Variants in MALRD1 observed in about 807,000 individuals in gnomAD.
MALRD1 encodes MAM and LDL-receptor class A domain-containing protein 1.
MALRD1 carries 247 observed loss-of-function variants against 242.1 expected under a neutral mutation model. The observed-to-expected ratio is 1.02, with a 90% CI of 0.92 to 1.13. The LOEUF (loss-of-function observed/expected upper bound fraction) is 1.13. Among genes scored for constraint, MALRD1 ranks in the 50% most tolerant of loss-of-function variants. The pLI is 0.00. For synonymous variants in MALRD1, 995 were observed against 866.6 expected, an observed-to-expected ratio of 1.15 and a Z score of -2.60; for missense variants, 2,989 against 2,533.1, an observed-to-expected ratio of 1.18 and a Z score of -3.86.
At chr10:19,294,512 A>T (rs1190207561) in intron 21 of MALRD1, among the ~76,000 whole-genome samples, 1 of 152,210 alleles carries the variant, frequency 6.6e-6, no homozygotes, top group Non-Finnish European at 1.5e-5. Context: ...TATCCTTAAC[A>T]TTAGTCATAT....
intron 33 of MALRD1, among the ~76,000 whole-genome samples, chr10:19,587,395 T>C (rs1051280538): frequency 2.0e-5 from 3 of 152,244 alleles, no homozygotes; most frequent in Admixed American, 2.0e-4. Flanking sequence ...CAACATAATT[T>C]CTGCACTTTA....
At chr10:19,555,769 A>G (rs887197377) in intron 32 of MALRD1, among the ~76,000 whole-genome samples, 11 of 152,280 alleles carry the variant, frequency 7.2e-5, no homozygotes, top group African/African-American at 2.6e-4. Context: ...TACTTTGATC[A>G]TTCTTGCCTC....
At chr10:19,721,982 G>C (rs890544713) in intron 38 of MALRD1, 1 of 152,236 alleles carries the variant, frequency 6.6e-6, no homozygotes, top group African/African-American at 2.4e-5. Flanking sequence ...TTTCCTCTGT[G>C]GGGTTTGAGG....
intron 38 of MALRD1, chr10:19,721,730 T>C (rs1219757784): frequency 2.0e-5 from 3 of 152,234 alleles, no homozygotes; most frequent in African/African-American, 7.2e-5. Flanking sequence ...TCCAGCCATA[T>C]AGCTTTTTCA....
intron 18 of MALRD1, among the ~76,000 whole-genome samples, chr10:19,225,987 A>G (rs903235382): frequency 5.3e-5 from 8 of 152,186 alleles, no homozygotes; most frequent in African/African-American, 1.9e-4. Context: ...TCAGATTATT[A>G]CTGATGACAG....
chr10:19,278,949 C>T (rs2131874307), intron 19 of MALRD1, among the ~76,000 whole-genome samples: 1 of 152,282 alleles, frequency 6.6e-6, no homozygotes. Context: ...TATTTACACT[C>T]ACCAGACTAT....
At chr10:19,310,135 T>G (rs1842368123) in intron 21 of MALRD1, among the ~76,000 whole-genome samples, 1 of 151,448 alleles carries the variant, frequency 6.6e-6, no homozygotes, top group Non-Finnish European at 1.5e-5. Context: ...GAACCTTTAC[T>G]GAGTAAAGGT....
chr10:19,594,759 C>T (rs1029565751), intron 33 of MALRD1, among the ~76,000 whole-genome samples: 1 of 152,040 alleles, frequency 6.6e-6, no homozygotes, highest in African/African-American at 2.4e-5. Flanking sequence ...TGTATATTCT[C>T]ATGTATAAAT....
chr10:19,595,085 AT>A, intron 33 of MALRD1, 108 bp from the exon 34 acceptor site: 1 of 1,113,364 alleles, frequency 9.0e-7, no homozygotes, highest in Non-Finnish European at 1.2e-6. Flanking sequence ...ATTTACTTCA[AT>A]TAATAAAATT....
chr10:19,524,618 C>G (rs1823766960), intron 31 of MALRD1, among the ~76,000 whole-genome samples: 1 of 152,058 alleles, frequency 6.6e-6, no homozygotes, highest in Non-Finnish European at 1.5e-5. Context: ...CAGAGGCAGA[C>G]TGAATAAATC....
At chr10:19,231,522 T>C (rs1290177164) in intron 18 of MALRD1, among the ~76,000 whole-genome samples, 1 of 152,126 alleles carries the variant, frequency 6.6e-6, no homozygotes, top group Non-Finnish European at 1.5e-5. Context: ...CAGGTGGAGA[T>C]AATTGAATCA....
chr10:19,219,654 G>A lies in MALRD1; in HGVS notation c.2991+9974G>A, dbSNP rs762280395. On this transcript the variant is annotated intron_variant, in intron 18 of 39. Transcript: ENST00000454679. ...GCCCAAGCTGGTCTCAAATTCTTGA[G>A]CTCAAGAGATCTTCTCACCTTGGCC... Among the ~76,000 whole-genome samples the A allele has an allele frequency of 3.3e-5, 5 of 152,116 alleles. No homozygotes were observed. The East Asian group carries it at 7.7e-4, about 23-fold the overall frequency.
At chr10:19,384,469 T>C (rs1292280491) in intron 26 of MALRD1, among the ~76,000 whole-genome samples, 2 of 117,204 alleles carry the variant, frequency 1.7e-5, no homozygotes, top group Admixed American at 1.1e-4. Flanking sequence ...TAATATATAC[T>C]ATATATTATA....
chr10:19,549,383 G>A (rs532619919), intron 32 of MALRD1, among the ~76,000 whole-genome samples: 1 of 152,254 alleles, frequency 6.6e-6, no homozygotes. Flanking sequence ...GAAATCTTTT[G>A]AGCAAGAAAG....
intron 31 of MALRD1, among the ~76,000 whole-genome samples, chr10:19,511,766 A>G (rs1311480676): frequency 6.6e-6 from 1 of 152,204 alleles, no homozygotes; most frequent in Non-Finnish European, 1.5e-5. Context: ...ACATTCAGTT[A>G]GGTTTTCTGC....
chr10:19,134,090 T>G (rs2131406510), intron 9 of MALRD1, 142 bp downstream of exon 9: 1 of 392,738 alleles, frequency 2.5e-6, no homozygotes, highest in East Asian at 3.8e-5. Flanking sequence ...AGTGATTGCT[T>G]ACTTTTTAAA....
At chr10:19,730,587 A>C (rs1015302153) in intron 38 of MALRD1, 119 bp from the exon 39 acceptor site, 2 of 1,055,056 alleles carry the variant, frequency 1.9e-6, no homozygotes, top group African/African-American at 3.2e-5. Context: ...ACATTCATGA[A>C]AATAAGTGTG....
At chr10:19,470,142 C>T (rs1463698605) in intron 29 of MALRD1, among the ~76,000 whole-genome samples, 1 of 151,978 alleles carries the variant, frequency 6.6e-6, no homozygotes, top group Non-Finnish European at 1.5e-5. Context: ...AATCACCATT[C>T]TATGCTTCTG....
chr10:19,200,276 C>T (rs1468043700), intron 14 of MALRD1, among the ~76,000 whole-genome samples: 1 of 152,170 alleles, frequency 6.6e-6, no homozygotes, highest in East Asian at 1.9e-4. Flanking sequence ...ACAATGGCAG[C>T]TCTAGGTTTT....
Sources: allele counts gnomAD v4.1 joint callset (sites outside exome capture counted in the v4.1 genomes callset), GRCh38; gene constraint gnomAD v4.1.1; transcripts MANE v1.5; gene names NCBI Gene and HGNC (gene_info 2026-07-23, HGNC 2026-07-21).